The following KLHL14 variants were observed in gnomAD, a reference collection of about 807,000 sequenced individuals.
The protein encoded by KLHL14 is kelch-like protein 14.
KLHL14 carries 22 observed loss-of-function variants against 64.3 expected under a neutral mutation model. The observed-to-expected ratio is 0.34, with a 90% CI of 0.24 to 0.49. The LOEUF (loss-of-function observed/expected upper bound fraction) is 0.49. Ranked by LOEUF, KLHL14 falls within the 20% of genes least tolerant of loss-of-function variation. The pLI, the probability that KLHL14 is intolerant of heterozygous loss-of-function variation, is 0.99. For missense variants in KLHL14, 661 were observed against 789.0 expected, an observed-to-expected ratio of 0.84 and a Z score of 1.94; for synonymous variants, 322 against 333.4, an observed-to-expected ratio of 0.97 and a Z score of 0.37.
Position 32,687,194 on chromosome 18 carries a change from C to G in KLHL14, c.1199G>C (p.Arg400Pro). ...TGGAAGTTGAATCCAGCTATTAAAT[C>G]GAGGATCATATCGGCTGACAAAATT... ...STNFVSRYDPRFNSWIQLPPM... is the reference protein window; with the variant it reads ...STNFVSRYDPPFNSWIQLPPM... The change falls in exon 5 of 9, where the codon CGA becomes CCA. Residue 400 changes from arginine to proline, a missense_variant. Transcript: ENST00000359358. The G allele has an allele frequency of 6.2e-7, 1 of 1,613,914 alleles. No individual in the cohort carries two copies. The highest frequency in any genetic ancestry group is 8.5e-7 in the Non-Finnish European group (1 of 1,179,844).
intron 2 of KLHL14, among the ~76,000 whole-genome samples, chr18:32,756,967 A>T (rs1047691088): frequency 1.3e-5 from 2 of 152,184 alleles, no homozygotes; most frequent in Non-Finnish European, 2.9e-5. Context: ...TTTTGATAAT[A>T]CCTTGTCTCC....
intron 5 of KLHL14, among the ~76,000 whole-genome samples, chr18:32,681,306 T>C (rs758389524): frequency 6.6e-6 from 1 of 152,086 alleles, no homozygotes; most frequent in Non-Finnish European, 1.5e-5. Flanking sequence ...GTTGGAAAGA[T>C]TGTAGACAGA....
Position 32,673,310 on chromosome 18 carries a change from C to A in KLHL14, c.*1347G>T, listed in dbSNP as rs1239976162. ...ATGACACATTTGTTGAAGGATTCAA[C>A]ACCATCTCTGGATGGTTAAAATATA... On this transcript the variant is annotated 3_prime_UTR_variant, in exon 9 of 9. Transcript: ENST00000359358. The A allele has an allele frequency of 6.6e-6, 1 of 152,478 alleles. No homozygotes were observed. The highest frequency in any genetic ancestry group is 2.4e-5 in the African/African-American group (1 of 41,442). 9.4% of individuals were successfully genotyped at this position (152,478 alleles called of 1,614,324 possible).
intron 4 of KLHL14, among the ~76,000 whole-genome samples, chr18:32,690,495 C>T (rs553658126): frequency 8.5e-5 from 13 of 152,062 alleles, no homozygotes; most frequent in East Asian, 1.9e-4. Context: ...TTTAGGAGGG[C>T]GAGGAGGGCA....
At chr18:32,743,552 G>C (rs2050209728) in intron 2 of KLHL14, 1 of 152,220 alleles carries the variant, frequency 6.6e-6, no homozygotes, top group African/African-American at 2.4e-5. Flanking sequence ...AGAGGAATGA[G>C]TAATGTGATG....
Position 32,680,101 on chromosome 18 carries a change from C to G in KLHL14, c.1588+68G>C. On this transcript the variant is annotated intron_variant, in intron 7 of 8. Coordinates refer to ENST00000359358, the MANE Select transcript of KLHL14 (RefSeq NM_020805.3). The surrounding 1 kb of genome is among the most constrained non-coding windows in gnomAD (Gnocchi z 4.8). The stretch of plus-strand genomic sequence containing the variant: ...TTAACTATGATTATCTAAGGAGAAA[C>G]CCCCTTAGCGAGAAATATGAGGTGC... The G allele has an allele frequency of 6.9e-7, 1 of 1,452,622 alleles. No homozygotes were observed. Among genetic ancestry groups the G allele is most frequent in the Non-Finnish European group, 9.5e-7 (1 of 1,057,222 alleles). 90.0% of individuals were successfully genotyped at this position (1,452,622 alleles called of 1,614,324 possible). A position where few individuals can be genotyped will look rare whatever the true frequency, so the allele number is the denominator to read the frequency against.
intron 2 of KLHL14, among the ~76,000 whole-genome samples, chr18:32,755,278 C>A (rs1568083573): frequency 6.6e-6 from 1 of 152,160 alleles, no homozygotes; most frequent in Non-Finnish European, 1.5e-5. Flanking sequence ...ATCAGCTAAT[C>A]TGGAGCAATA....
chr18:32,705,857 G>A (rs1239396005), intron 3 of KLHL14, among the ~76,000 whole-genome samples: 2 of 152,158 alleles, frequency 1.3e-5, no homozygotes, highest in African/African-American at 4.8e-5. Context: ...TTTGGACAGC[G>A]GGCCTGCTCT....
In KLHL14 at chr18:32,752,955, T is replaced by TTGTGTGTG. The variant is rs71177874; in HGVS notation, c.948-10914_948-10907dup. Among the ~76,000 whole-genome samples, 805 of 142,356 alleles carry TTGTGTGTG rather than the reference T, an allele frequency of 5.7e-3. 2 individuals are homozygous for TTGTGTGTG. Among genetic ancestry groups the TTGTGTGTG allele is most frequent in the East Asian group, 0.014 (64 of 4,600 alleles). 93.4% of individuals were successfully genotyped at this position (142,356 alleles called of 152,430 possible). A position where few individuals can be genotyped will look rare whatever the true frequency, so the allele number is the denominator to read the frequency against. ...TCTGGGATGGGACCCAGCATCATAT[T>TTGTGTGTG]TGTGTGTGTGTGTGTGTGTGTGTGT... On this transcript the variant is annotated intron_variant, in intron 2 of 8. Transcript: ENST00000359358.
chr18:32,742,968 C>T (rs1598572900), intron 2 of KLHL14: 2 of 152,436 alleles, frequency 1.3e-5, no homozygotes, highest in South Asian at 2.1e-4. Context: ...CCTGCAATGT[C>T]TCATATGCAG....
chr18:32,685,483 T>C (rs1225500531), intron 5 of KLHL14, among the ~76,000 whole-genome samples: 1 of 152,158 alleles, frequency 6.6e-6, no homozygotes, highest in African/African-American at 2.4e-5. Flanking sequence ...TAAGTAAAAC[T>C]TTTTGGAATA....
intron 4 of KLHL14, among the ~76,000 whole-genome samples, chr18:32,692,946 C>G (rs1027600332): frequency 6.6e-6 from 1 of 152,152 alleles, no homozygotes; most frequent in African/African-American, 2.4e-5. Flanking sequence ...TCAATAAGTA[C>G]TACTACTAAT....
At chr18:32,700,992 C>T (rs1302706370) in intron 3 of KLHL14, among the ~76,000 whole-genome samples, 1 of 152,148 alleles carries the variant, frequency 6.6e-6, no homozygotes, top group African/African-American at 2.4e-5. Flanking sequence ...GACCAGAACA[C>T]AGGGATCTGA....
intron 4 of KLHL14, among the ~76,000 whole-genome samples, chr18:32,692,770 C>T (rs1216125792): frequency 1.3e-5 from 2 of 152,166 alleles, no homozygotes; most frequent in East Asian, 1.9e-4. Context: ...GAAATCAGCT[C>T]AGCTTCTTGT....
At chr18:32,761,191 G>T (rs1215244544) in intron 2 of KLHL14, among the ~76,000 whole-genome samples, 1 of 152,100 alleles carries the variant, frequency 6.6e-6, no homozygotes, top group African/African-American at 2.4e-5. Context: ...GGCTAACGTG[G>T]AGCCAGGCCA....
intron 2 of KLHL14, among the ~76,000 whole-genome samples, chr18:32,767,167 T>C (rs953520899): frequency 7.2e-5 from 11 of 152,220 alleles, no homozygotes; most frequent in African/African-American, 2.7e-4. Context: ...TTTATCCCCG[T>C]TAAATGACAC....
At chr18:32,702,117 A>G (rs943446043) in intron 3 of KLHL14, among the ~76,000 whole-genome samples, 1 of 152,152 alleles carries the variant, frequency 6.6e-6, no homozygotes, top group Admixed American at 6.6e-5. Context: ...TATGTTACTT[A>G]TAATTACATA....
chr18:32,752,729 A>C (rs1417441795), intron 2 of KLHL14, among the ~76,000 whole-genome samples: 1 of 152,068 alleles, frequency 6.6e-6, no homozygotes, highest in African/African-American at 2.4e-5. Context: ...ACTTAAAAAA[A>C]TGCTTCCTTA....
chr18:32,695,973 G>A (rs1285365614), intron 3 of KLHL14, among the ~76,000 whole-genome samples: 2 of 152,078 alleles, frequency 1.3e-5, no homozygotes, highest in Non-Finnish European at 2.9e-5. Context: ...TCTGCCCAAC[G>A]TGGTTTGCTG....
Sources: allele counts gnomAD v4.1 joint callset (sites outside exome capture counted in the v4.1 genomes callset), GRCh38; gene constraint gnomAD v4.1.1; non-coding constraint Gnocchi (gnomAD v3.1); transcripts MANE v1.5; gene names NCBI Gene and HGNC (gene_info 2026-07-23, HGNC 2026-07-21).